The following PIK3R1 variants were observed in gnomAD, a reference collection of about 807,000 sequenced individuals.
PIK3R1 encodes the protein phosphoinositide-3-kinase regulatory subunit 1.
PIK3R1 carries 29 observed loss-of-function variants against 98.0 expected under a neutral mutation model. That is an observed-to-expected ratio of 0.30 (90% CI 0.22 to 0.40). The LOEUF (loss-of-function observed/expected upper bound fraction) is 0.40, where lower values mean the gene tolerates loss of function less well. Among genes scored for constraint, PIK3R1 ranks in the 10% least tolerant of loss-of-function variants. The probability of loss-of-function intolerance (pLI) is 1.00; values close to 1 mark genes in which losing one functional copy is unlikely to be tolerated. For missense variants in PIK3R1, 596 were observed against 872.7 expected, an observed-to-expected ratio of 0.68 and a Z score of 3.99; for synonymous variants, 282 against 311.8, an observed-to-expected ratio of 0.90 and a Z score of 1.01.
chr5:68,236,801 C>T, intron 2 of PIK3R1, among the ~76,000 whole-genome samples: 1 of 152,164 alleles, frequency 6.6e-6, no homozygotes, highest in Non-Finnish European at 1.5e-5. Context: ...TACATTCATG[C>T]AACTCCAGAA....
chr5:68,292,463 T>C (rs1390539686), intron 8 of PIK3R1, 102 bp downstream of exon 8: 6 of 1,429,326 alleles, frequency 4.2e-6, no homozygotes, highest in Non-Finnish European at 4.9e-6. Flanking sequence ...AACATAAGCA[T>C]GAAGCATAGT....
chr5:68,246,018 C>T (rs890900444), intron 2 of PIK3R1, among the ~76,000 whole-genome samples: 9 of 152,224 alleles, frequency 5.9e-5, no homozygotes, highest in African/African-American at 2.2e-4. Flanking sequence ...TAGCTGTGTA[C>T]ATGTTTCCCC....
At chr5:68,236,808 A>G (rs553083778) in intron 2 of PIK3R1, among the ~76,000 whole-genome samples, 1 of 152,346 alleles carries the variant, frequency 6.6e-6, no homozygotes, top group South Asian at 2.1e-4. Flanking sequence ...ATGCAACTCC[A>G]GAAATTTACC....
rs557725280 is a variant in PIK3R1, at chr5:68,232,424, AGCTG to A, written c.334+5418_334+5421del. Among the ~76,000 whole-genome samples the A allele has an allele frequency of 5.9e-5, 9 of 152,310 alleles. No individual in the cohort carries two copies. In the East Asian group the frequency reaches 1.7e-3, roughly 29 times the overall value. On this transcript the variant is annotated intron_variant, in intron 2 of 15. Transcript: ENST00000521381. ...TTTTTGCAGGAGGGTTCTTACCCTGAGCTGGCCTGGCCACTTTAGGAATTCACAG... is the reference window on the plus strand; with the variant it reads ...TTTTTGCAGGAGGGTTCTTACCCTGAGCCTGGCCACTTTAGGAATTCACAG...
Position 68,298,156 on chromosome 5 carries a change from C to T in PIK3R1, c.*555C>T, listed in dbSNP as rs953941477. 9 of 231,192 alleles carry T rather than the reference C, an allele frequency of 3.9e-5. No individual in the cohort carries two copies. Among genetic ancestry groups the T allele is most frequent in the African/African-American group, 1.1e-4 (5 of 45,196 alleles). The allele number at this position is 231,192 out of a possible 1,614,324, so 14.3% of individuals were successfully genotyped here. ...GAAAGGCACGTCCACTCACAAGGGA[C>T]GCTTTGGGAGAATGTCAGTTCATGT... On this transcript the variant is annotated 3_prime_UTR_variant, in exon 16 of 16. Coordinates refer to ENST00000521381, the MANE Select transcript of PIK3R1 (RefSeq NM_181523.3).
At chr5:68,242,121 GTGT>G (rs1744893123) in intron 2 of PIK3R1, among the ~76,000 whole-genome samples, 1 of 152,228 alleles carries the variant, frequency 6.6e-6, no homozygotes, top group Admixed American at 6.5e-5. Flanking sequence ...TTAGGCAAAA[GTGT>G]TGTGCTATTT....
intron 2 of PIK3R1, among the ~76,000 whole-genome samples, chr5:68,235,295 A>C (rs1378673838): frequency 1.1e-4 from 16 of 151,822 alleles, no homozygotes; most frequent in African/African-American, 3.4e-4. Flanking sequence ...CCCAGCTACT[A>C]GGGAGGCTGA....
intron 4 of PIK3R1, among the ~76,000 whole-genome samples, chr5:68,277,824 A>T (rs1349944634): frequency 6.6e-6 from 1 of 152,152 alleles, no homozygotes; most frequent in Non-Finnish European, 1.5e-5. Flanking sequence ...CATCACCTTG[A>T]TTCAGAGAAC....
Position 68,280,635 on chromosome 5 carries a change from T to C in PIK3R1, c.742T>C (p.Phe248Leu). ...GCTTCAGTATTTGTTAAAACATTTC[T>C]TCAAGCTCTCTCAAACCTCCAGCAA... ...LTLQYLLKHFFKLSQTSSKNL... is the reference protein window; with the variant it reads ...LTLQYLLKHFLKLSQTSSKNL... Residue 248 changes from phenylalanine (F) to leucine (L), a missense_variant, in exon 6 of 16, where the codon TTC (phenylalanine) becomes CTC (leucine). Around this residue, in one of 3 missense-constraint regions of PIK3R1, gnomAD observed 352 missense variants for 393.3 expected, o/e 0.90. Transcript: ENST00000521381. 6.2e-7 allele frequency: 1 copy of C among 1,614,102 alleles called. No individual in the cohort carries two copies. Among genetic ancestry groups the C allele is most frequent in the Admixed American group, 1.7e-5 (1 of 60,034 alleles).
At chr5:68,235,642 A>G (rs1389070372) in intron 2 of PIK3R1, among the ~76,000 whole-genome samples, 2 of 152,152 alleles carry the variant, frequency 1.3e-5, no homozygotes, top group South Asian at 2.1e-4. Context: ...TTTTTGATTC[A>G]GAAGTATTTG....
rs1747500865 is a variant in PIK3R1, at chr5:68,293,405, C to T, written c.1221C>T (p.His407=). 6.2e-7 allele frequency: 1 copy of T among 1,613,468 alleles called. No homozygotes were observed. Among genetic ancestry groups the T allele is most frequent in the Non-Finnish European group, 8.5e-7 (1 of 1,179,484 alleles). Residue 407 remains histidine, a synonymous_variant, in exon 10 of 16, where the codon CAC becomes CAT. Coordinates refer to ENST00000521381, the MANE Select transcript of PIK3R1 (RefSeq NM_181523.3). ...GTTCTGTGGTTGAATTAATAAACCA[C>T]TACCGGAATGAATCTCTAGCTCAGT... ...TFSSVVELIN[H]YRNESLAQYN...
intron 2 of PIK3R1, among the ~76,000 whole-genome samples, chr5:68,250,352 G>A: frequency 6.6e-6 from 1 of 152,216 alleles, no homozygotes; most frequent in Admixed American, 6.5e-5. Context: ...CACGTCTTCT[G>A]CTGCCTGCCT....
intron 1 of PIK3R1, among the ~76,000 whole-genome samples, chr5:68,218,470 A>G (rs7700763): frequency 6.6e-6 from 1 of 152,040 alleles, no homozygotes; most frequent in South Asian, 2.1e-4. Flanking sequence ...GTAAAAAGGC[A>G]TCTACTCTGA....
At chr5:68,249,805 C>T (rs1307076789) in intron 2 of PIK3R1, among the ~76,000 whole-genome samples, 2 of 152,078 alleles carry the variant, frequency 1.3e-5, no homozygotes, top group South Asian at 2.1e-4. Context: ...TTCTCAGTCA[C>T]GTAGCCATTT....
At chr5:68,283,135 C>T (rs534114111) in intron 7 of PIK3R1, among the ~76,000 whole-genome samples, 1 of 152,260 alleles carries the variant, frequency 6.6e-6, no homozygotes, top group South Asian at 2.1e-4. Flanking sequence ...TGTGCTAGTA[C>T]CAGACAGAAC....
rs768825866 is a variant in PIK3R1, at chr5:68,226,629, C to A, written c.-47C>A. 1.9e-5 allele frequency: 27 copies of A among 1,457,522 alleles called. No homozygotes were observed. Among genetic ancestry groups the A allele is most frequent in the East Asian group, 6.9e-5 (3 of 43,672 alleles). The allele number at this position is 1,457,522 out of a possible 1,614,324, so 90.3% of individuals were successfully genotyped here. A position where few individuals can be genotyped will look rare whatever the true frequency, so the allele number is the denominator to read the frequency against. Reference sequence around the variant, plus strand: ...TTCATAAAAACGTAAAATCAGACTGCTCTGTACAACCAGGCTCAACTGTTG... The same window carrying A: ...TTCATAAAAACGTAAAATCAGACTGATCTGTACAACCAGGCTCAACTGTTG... On this transcript the variant is annotated 5_prime_UTR_variant, in exon 2 of 16. Coordinates refer to ENST00000521381, the MANE Select transcript of PIK3R1 (RefSeq NM_181523.3).
Position 68,295,166 on chromosome 5 carries a change from T to C in PIK3R1, c.1587T>C (p.Asp529=), listed in dbSNP as rs758488986. ...CCTGCAGGATTATGCATAATTATGA[T>C]AAGTTGAAGTCTCGAATCAGTGAAA... ...KEIQRIMHNY[D]KLKSRISEII... Residue 529 remains aspartate (D), a synonymous_variant, in exon 13 of 16, where the codon GAT becomes GAC. Transcript: ENST00000521381. 5.0e-6 allele frequency: 8 copies of C among 1,613,808 alleles called. No homozygotes were observed. In the African/African-American group the frequency reaches 1.1e-4, roughly 22 times the overall value.
At chr5:68,288,091 A>G (rs1747152675) in intron 7 of PIK3R1, among the ~76,000 whole-genome samples, 1 of 151,998 alleles carries the variant, frequency 6.6e-6, no homozygotes, top group Non-Finnish European at 1.5e-5. Flanking sequence ...TTTTTGCTGA[A>G]CTAGCTCAGC....
intron 2 of PIK3R1, among the ~76,000 whole-genome samples, chr5:68,262,727 A>G (rs1315923399): frequency 2.1e-5 from 3 of 140,048 alleles, no homozygotes; most frequent in African/African-American, 5.2e-5. Context: ...ATGTATACAT[A>G]TATACATGTA....
Sources: allele counts gnomAD v4.1 joint callset (sites outside exome capture counted in the v4.1 genomes callset), GRCh38; gene constraint gnomAD v4.1.1; regional missense constraint gnomAD v4.1.1; transcripts MANE v1.5; gene names NCBI Gene and HGNC (gene_info 2026-07-23, HGNC 2026-07-21).